ZMAT4: variants seen among roughly 807,000 people sequenced by gnomAD.
ZMAT4 encodes zinc finger matrin-type 4, also known as zinc finger matrin-type protein 4.
A neutral mutation model predicts 28.7 loss-of-function variants in ZMAT4; 17 were observed. The ratio of observed to expected loss-of-function variants is 0.59; its 90% CI spans 0.41 to 0.89. The LOEUF is 0.89. Among genes scored for constraint, ZMAT4 ranks in the 40% least tolerant of loss-of-function variants. ZMAT4 has a pLI of 0.00. For synonymous variants in ZMAT4, 117 were observed against 109.2 expected, an observed-to-expected ratio of 1.07 and a Z score of -0.44; for missense variants, 240 against 283.8, an observed-to-expected ratio of 0.85 and a Z score of 1.11.
At chr8:40,787,567 G>A (rs1814138564) in intron 2 of ZMAT4, among the ~76,000 whole-genome samples, 1 of 152,154 alleles carries the variant, frequency 6.6e-6, no homozygotes, top group South Asian at 2.1e-4. Context: ...TCACTTAAAG[G>A]AAACACTTTA....
chr8:40,671,974 TG>T (rs1213939369), intron 5 of ZMAT4, among the ~76,000 whole-genome samples: 1 of 152,174 alleles, frequency 6.6e-6, no homozygotes, highest in Non-Finnish European at 1.5e-5. Context: ...CAGAAACTAT[TG>T]AGTAACTATT....
chr8:40,773,207 G>GGTCAACTAA (rs1466360076), intron 2 of ZMAT4, among the ~76,000 whole-genome samples: 25 of 152,292 alleles, frequency 1.6e-4, no homozygotes, highest in African/African-American at 5.1e-4. Context: ...TAGAATGAAT[G>GGTCAACTAA]ATGGGTCAAC....
intron 5 of ZMAT4, among the ~76,000 whole-genome samples, chr8:40,592,758 G>A (rs541382948): frequency 6.6e-6 from 1 of 152,168 alleles, no homozygotes; most frequent in Non-Finnish European, 1.5e-5. Context: ...TAAAGAGCTT[G>A]TTTATTGGAA....
At chr8:40,591,546 C>T (rs960074275) in intron 5 of ZMAT4, among the ~76,000 whole-genome samples, 1 of 152,192 alleles carries the variant, frequency 6.6e-6, no homozygotes, top group Non-Finnish European at 1.5e-5. Flanking sequence ...ACCCCAGTAC[C>T]ATTTCTCTTT....
chr8:40,780,002 T>G (rs1813764516), intron 2 of ZMAT4, among the ~76,000 whole-genome samples: 1 of 152,114 alleles, frequency 6.6e-6, no homozygotes, highest in South Asian at 2.1e-4. Flanking sequence ...CCAGTTTTCA[T>G]TTCTCAGAAT....
chr8:40,798,272 C>T (rs1814679007), intron 2 of ZMAT4, among the ~76,000 whole-genome samples: 1 of 152,184 alleles, frequency 6.6e-6, no homozygotes, highest in African/African-American at 2.4e-5. Context: ...TCGGAAAGAA[C>T]TTTCTGATGT....
chr8:40,593,953 T>A (rs1585729819), intron 5 of ZMAT4, among the ~76,000 whole-genome samples: 1 of 152,334 alleles, frequency 6.6e-6, no homozygotes, highest in East Asian at 1.9e-4. Context: ...AAGTCCTGGT[T>A]GTCTGCTGCA....
intron 3 of ZMAT4, among the ~76,000 whole-genome samples, chr8:40,731,666 A>G (rs1811548434): frequency 6.6e-6 from 1 of 152,214 alleles, no homozygotes. Context: ...AAACACTTGA[A>G]AACAGCTGTC....
intron 5 of ZMAT4, among the ~76,000 whole-genome samples, chr8:40,608,573 T>G (rs937996892): frequency 5.3e-5 from 8 of 152,180 alleles, no homozygotes; most frequent in African/African-American, 1.4e-4. Flanking sequence ...GCTGGTATCT[T>G]TGCTCCATCC....
At chr8:40,586,012 C>T (rs1001751501) in intron 5 of ZMAT4, among the ~76,000 whole-genome samples, 10 of 152,156 alleles carry the variant, frequency 6.6e-5, no homozygotes, top group African/African-American at 7.2e-5. Context: ...ACAGTTCTCA[C>T]GCTCTGCAGC....
chr8:40,830,156 C>A (rs1031391187), intron 1 of ZMAT4, among the ~76,000 whole-genome samples: 1 of 152,106 alleles, frequency 6.6e-6, no homozygotes, highest in African/African-American at 2.4e-5. Context: ...CCAGAGAGAC[C>A]TGGGGCTTCA....
At chr8:40,607,962 T>A (rs1157969706) in intron 5 of ZMAT4, among the ~76,000 whole-genome samples, 1 of 151,296 alleles carries the variant, frequency 6.6e-6, no homozygotes, top group Non-Finnish European at 1.5e-5. Context: ...TCTGTGGGGG[T>A]CCTTGGTTGT....
intron 3 of ZMAT4, among the ~76,000 whole-genome samples, chr8:40,708,955 A>G (rs1200687464): frequency 6.6e-6 from 1 of 152,016 alleles, no homozygotes; most frequent in Non-Finnish European, 1.5e-5. Context: ...AACCAAAACA[A>G]AACAAACTAT....
At chr8:40,590,732 TGA>T (rs1804865658) in intron 5 of ZMAT4, among the ~76,000 whole-genome samples, 1 of 151,980 alleles carries the variant, frequency 6.6e-6, no homozygotes, top group African/African-American at 2.4e-5. Flanking sequence ...TGTGTGTGTG[TGA>T]GTCTTGAGAC....
chr8:40,593,672 A>G (rs534257719), intron 5 of ZMAT4, among the ~76,000 whole-genome samples: 36 of 152,258 alleles, frequency 2.4e-4, no homozygotes, highest in African/African-American at 8.4e-4. Flanking sequence ...ATTGGTGGTG[A>G]TTTTCCAGAC....
chr8:40,602,162 A>G (rs1330424174), intron 5 of ZMAT4, among the ~76,000 whole-genome samples: 1 of 152,138 alleles, frequency 6.6e-6, no homozygotes, highest in Non-Finnish European at 1.5e-5. Flanking sequence ...ATGTCCTGCA[A>G]TTCCATCCAG....
intron 6 of ZMAT4, among the ~76,000 whole-genome samples, chr8:40,548,217 G>A (rs372483210): frequency 3.9e-5 from 6 of 152,180 alleles, no homozygotes; most frequent in African/African-American, 1.4e-4. Flanking sequence ...GAACAAGATG[G>A]AAAACCATTT....
At chr8:40,713,119 G>A (rs1214629806) in intron 3 of ZMAT4, among the ~76,000 whole-genome samples, 1 of 152,064 alleles carries the variant, frequency 6.6e-6, no homozygotes, top group Non-Finnish European at 1.5e-5. Context: ...AAAGGCACAA[G>A]TTAATAAAAC....
At chr8:40,845,085 C>T (rs892281357) in intron 1 of ZMAT4, among the ~76,000 whole-genome samples, 1 of 152,178 alleles carries the variant, frequency 6.6e-6, no homozygotes, top group Non-Finnish European at 1.5e-5. Context: ...AACATGACTG[C>T]AGGTGCCGAG....
Sources: gnomAD v4.1 joint callset for allele counts (sites outside exome capture counted in the v4.1 genomes callset) on GRCh38, gnomAD v4.1.1 for gene constraint, MANE v1.5 for transcripts, NCBI Gene and HGNC (gene_info 2026-07-23, HGNC 2026-07-21) for gene names.